USP47: variants seen among roughly 807,000 people sequenced by gnomAD.
The protein encoded by USP47 is ubiquitin carboxyl-terminal hydrolase 47.
Under a neutral mutation model 165.1 loss-of-function variants are expected in USP47, and 35 were observed. The observed-to-expected ratio is 0.21, with a 90% CI of 0.16 to 0.28. The LOEUF is 0.28. Ranked by LOEUF, USP47 falls within the 10% of genes least tolerant of loss-of-function variation. The pLI, the probability that USP47 is intolerant of heterozygous loss-of-function variation, is 1.00. For missense variants in USP47, 1,277 were observed against 1,607.4 expected (o/e 0.79, Z 3.52); for synonymous variants, 531 against 544.5 (o/e 0.98, Z 0.35).
chr11:11,915,643 C>T (rs1853359731), intron 8 of USP47, among the ~76,000 whole-genome samples: 1 of 151,892 alleles, frequency 6.6e-6, no homozygotes, highest in Non-Finnish European at 1.5e-5. Flanking sequence ...CTTACGATTG[C>T]ATATGAATTT....
In USP47 at chr11:11,894,595, C is replaced by T. The variant is rs190133721; in HGVS notation, c.496+2489C>T. Among the ~76,000 whole-genome samples the T allele has an allele frequency of 2.6e-4, 40 of 152,306 alleles. 1 individual carries two copies. In the East Asian group the frequency reaches 5.8e-3, roughly 22 times the overall value. Reference sequence around the variant, plus strand: ...ACATTATTCTGAGATAGCTGAAACACTGTGAGAGAGTTCCAGATTTAACAA... The same window carrying T: ...ACATTATTCTGAGATAGCTGAAACATTGTGAGAGAGTTCCAGATTTAACAA... On this transcript the variant is annotated intron_variant, in intron 4 of 27. Transcript: ENST00000527733.
chr11:11,945,792 G>T (rs1030846308), intron 20 of USP47, among the ~76,000 whole-genome samples: 7 of 151,672 alleles, frequency 4.6e-5, no homozygotes, highest in Non-Finnish European at 1.0e-4. Context: ...TTTTTAATTA[G>T]CCAGCGTGGT....
At chr11:11,929,757 T>C (rs949456296) in intron 12 of USP47, among the ~76,000 whole-genome samples, 192 bp downstream of exon 12, 8 of 152,196 alleles carry the variant, frequency 5.3e-5, no homozygotes, top group Non-Finnish European at 1.0e-4. Flanking sequence ...TTTGCTTTGT[T>C]TTGTTTGGGG....
intron 1 of USP47, among the ~76,000 whole-genome samples, chr11:11,864,871 C>T (rs1452381043): frequency 6.6e-6 from 1 of 152,048 alleles, no homozygotes; most frequent in Non-Finnish European, 1.5e-5. Context: ...TTTTCTTCAT[C>T]TGAGAATGTC....
chr11:11,938,212 A>T (rs1342218410), intron 17 of USP47, 45 bp from the exon 18 acceptor site: 1 of 1,549,862 alleles, frequency 6.5e-7, no homozygotes, highest in Non-Finnish European at 8.9e-7. Context: ...GAAATACATT[A>T]AAAAATAACC....
intron 1 of USP47, among the ~76,000 whole-genome samples, chr11:11,858,308 G>A (rs1420765654): frequency 1.3e-5 from 2 of 152,050 alleles, no homozygotes; most frequent in Non-Finnish European, 2.9e-5. Flanking sequence ...AAAGGCCACA[G>A]AAACTCATTA....
At chr11:11,864,965 T>C (rs1382170149) in intron 1 of USP47, among the ~76,000 whole-genome samples, 1 of 152,104 alleles carries the variant, frequency 6.6e-6, no homozygotes, top group Non-Finnish European at 1.5e-5. Flanking sequence ...CCTTGAAGTG[T>C]TGTGCCACTT....
intron 8 of USP47, among the ~76,000 whole-genome samples, chr11:11,911,656 A>G (rs73413221): frequency 0.035 from 5,358 of 152,244 alleles, 300 homozygotes; most frequent in African/African-American, 0.12. Context: ...CTACAATTAC[A>G]GTTGCAGACT....
rs199653905 is a variant in USP47 at position 11,950,500 on chromosome 11, G to T, written c.3583+18G>T. On this transcript the variant is annotated intron_variant, in intron 24 of 27. Coordinates refer to ENST00000527733, the MANE Select transcript of USP47 (RefSeq NM_001282659.2). ...TCTTGATGGTATTTTCAATATTTTT[G>T]GGGGGAAGTATCAGTTAGAAATACT... 267 of 1,536,308 alleles carry T rather than the reference G, an allele frequency of 1.7e-4. No homozygotes were observed. Among genetic ancestry groups the T allele is most frequent in the East Asian group, 9.1e-4 (40 of 44,180 alleles).
chr11:11,849,984 G>C (rs1307055874), intron 1 of USP47, among the ~76,000 whole-genome samples: 1 of 152,200 alleles, frequency 6.6e-6, no homozygotes, highest in Non-Finnish European at 1.5e-5. Flanking sequence ...GTTGAGATCA[G>C]ATGCTTAGAA....
intron 16 of USP47, among the ~76,000 whole-genome samples, chr11:11,935,183 C>T (rs1417586661): frequency 2.0e-5 from 3 of 152,056 alleles, no homozygotes; most frequent in Non-Finnish European, 4.4e-5. Flanking sequence ...TGAAATTTTA[C>T]ATTTAATTGT....
At chr11:11,870,413 GTATTA>G (rs1849962759) in intron 1 of USP47, among the ~76,000 whole-genome samples, 2 of 152,142 alleles carry the variant, frequency 1.3e-5, no homozygotes, top group Admixed American at 6.5e-5. Context: ...GAAGGAAAAT[GTATTA>G]TATTTAGCTA....
Position 11,842,103 on chromosome 11 carries a change from C to T in USP47, c.-83C>T, listed in dbSNP as rs1351555189. ...CAGGCGGCGGAGAGGATGACTGCCG[C>T]TGCCATTCTCTCTTGAGCTAGCGAG... On this transcript the variant is annotated 5_prime_UTR_variant, in exon 1 of 28. Transcript: ENST00000527733. 2.7e-6 allele frequency: 4 copies of T among 1,503,536 alleles called. No homozygotes were observed. In the East Asian group the frequency reaches 9.9e-5, roughly 37 times the overall value. The allele number at this position is 1,503,536 out of a possible 1,614,324, so 93.1% of individuals were successfully genotyped here.
In USP47 at chr11:11,850,528, G is replaced by GT. The variant is rs1017889009; in HGVS notation, c.39+8307dup. Reference sequence around the variant, plus strand: ...TTTTTCTTCCAAATTTCCTTTTTCTGTTTGTTTGCTTTGGTCTTTATCTTT... The same window carrying GT: ...TTTTTCTTCCAAATTTCCTTTTTCTGTTTTGTTTGCTTTGGTCTTTATCTTT... On this transcript the variant is annotated intron_variant, in intron 1 of 27. Coordinates refer to ENST00000527733, the MANE Select transcript of USP47 (RefSeq NM_001282659.2). Among the ~76,000 whole-genome samples, 8 of 126,248 alleles carry GT rather than the reference G, an allele frequency of 6.3e-5. No homozygotes were observed. The Admixed American group carries it at 6.4e-4, about 10-fold the overall frequency. 82.8% of individuals were successfully genotyped at this position (126,248 alleles called of 152,430 possible). A position where few individuals can be genotyped will look rare whatever the true frequency, so the allele number is the denominator to read the frequency against.
rs762183766 is a variant in USP47, at chr11:11,948,166, T to C, written c.3267+46T>C. The C allele has an allele frequency of 2.6e-6, 4 of 1,558,298 alleles. No homozygotes were observed. In the South Asian group the frequency reaches 3.7e-5, roughly 14 times the overall value. On this transcript the variant is annotated intron_variant, in intron 21 of 27. Coordinates refer to ENST00000527733, the MANE Select transcript of USP47 (RefSeq NM_001282659.2). ...AGTAGTTAGAGTCTATTTTAAATGA[T>C]AGATTTGAGAACAGCTTTTACTACT...
intron 3 of USP47, among the ~76,000 whole-genome samples, chr11:11,887,650 A>G (rs879891060): frequency 6.6e-5 from 10 of 152,206 alleles, no homozygotes; most frequent in Non-Finnish European, 1.5e-4. Flanking sequence ...CCCCACTGAC[A>G]GTATTAGACA....
chr11:11,876,560 G>A lies in USP47; in HGVS notation c.40-3617G>A, dbSNP rs183376409. On this transcript the variant is annotated intron_variant, in intron 1 of 27. Transcript: ENST00000527733. ...GGGGCCAGGGCTCACCAGCTATTCA[G>A]TTCTGCTCCAGGTGGCATCATCTAG... 8.8e-4 allele frequency among the ~76,000 whole-genome samples: 134 copies of A among 152,308 alleles called. 1 individual carries two copies. Among genetic ancestry groups the A allele is most frequent in the Non-Finnish European group, 1.7e-3 (114 of 68,016 alleles).
chr11:11,895,100 C>T (rs7111921), intron 4 of USP47, among the ~76,000 whole-genome samples: 52,311 of 151,854 alleles, frequency 0.34, 9,459 homozygotes, highest in East Asian at 0.52. Flanking sequence ...ATTAATATTG[C>T]TGATATTATT....
chr11:11,875,684 A>G (rs926094695), intron 1 of USP47, among the ~76,000 whole-genome samples: 3 of 152,144 alleles, frequency 2.0e-5, no homozygotes, highest in Non-Finnish European at 1.5e-5. Flanking sequence ...GCTCACTGCA[A>G]ACTCTACCTC....
Sources: allele counts gnomAD v4.1 joint callset (sites outside exome capture counted in the v4.1 genomes callset), GRCh38; gene constraint gnomAD v4.1.1; transcripts MANE v1.5; gene names NCBI Gene and HGNC (gene_info 2026-07-23, HGNC 2026-07-21).